The following KALRN variants were observed in gnomAD, a reference collection of about 807,000 sequenced individuals.
The protein encoded by KALRN is kalirin.
In KALRN, 70 loss-of-function variants were observed where a neutral mutation model predicts 353.7. The observed-to-expected ratio is 0.20, with a 90% CI of 0.16 to 0.24. The LOEUF (loss-of-function observed/expected upper bound fraction) is 0.24. Among genes scored for constraint, KALRN ranks in the 10% least tolerant of loss-of-function variants. The pLI, the probability that KALRN is intolerant of heterozygous loss-of-function variation, is 1.00. For missense variants in KALRN, 2,791 were observed against 3,756.7 expected (o/e 0.74, Z 6.72); for synonymous variants, 1,391 against 1,434.8 (o/e 0.97, Z 0.69).
chr3:124,214,313 G>C (rs1236048992), intron 1 of KALRN, among the ~76,000 whole-genome samples: 1 of 152,152 alleles, frequency 6.6e-6, no homozygotes, highest in Non-Finnish European at 1.5e-5. Context: ...TGAATGCATT[G>C]AGTAGATATG....
rs190131722 is a variant in KALRN, at chr3:124,187,089, T to C, written c.74-40901T>C. On this transcript the variant is annotated intron_variant, in intron 1 of 59. Coordinates refer to ENST00000682506, the MANE Select transcript of KALRN (RefSeq NM_001388419.1). ...TTGAACTATCTTTGTTTTTTATCTT[T>C]TCTTTTTTTGAGAAAGAGACTCACT... is the stretch of plus-strand genomic sequence containing the variant. Among the ~76,000 whole-genome samples the C allele has an allele frequency of 4.6e-5, 7 of 152,024 alleles. 1 individual carries two copies. Among genetic ancestry groups the C allele is most frequent in the African/African-American group, 1.7e-4 (7 of 41,296 alleles).
At chr3:124,314,207 G>A (rs2078575991) in intron 6 of KALRN, among the ~76,000 whole-genome samples, 1 of 152,026 alleles carries the variant, frequency 6.6e-6, no homozygotes. Context: ...ATAGGGACAT[G>A]GTTGAAGCTG....
chr3:124,159,003 A>G (rs2149998062), intron 1 of KALRN, among the ~76,000 whole-genome samples: 1 of 152,250 alleles, frequency 6.6e-6, no homozygotes, highest in Non-Finnish European at 1.5e-5. Context: ...TCAGGTATAC[A>G]TCTACAAACA....
chr3:124,514,506 ACTC>A (rs1251931692), intron 33 of KALRN, among the ~76,000 whole-genome samples: 1 of 152,076 alleles, frequency 6.6e-6, no homozygotes, highest in African/African-American at 2.4e-5. Context: ...TTCTTACTGA[ACTC>A]CTAATATGAG....
intron 22 of KALRN, 131 bp downstream of exon 22, chr3:124,455,490 A>C (rs4677927): frequency 1 from 864,287 of 866,424 alleles, 431,102 homozygotes; most frequent in East Asian, 1. Context: ...AGAGCGCTTG[A>C]CTTGTGTGGC....
chr3:124,224,660 C>T (rs2078285827), intron 1 of KALRN, among the ~76,000 whole-genome samples: 1 of 152,166 alleles, frequency 6.6e-6, no homozygotes, highest in Admixed American at 6.5e-5. Flanking sequence ...GTGATCTGCC[C>T]CTGAGTATCT....
At chr3:124,243,733 G>A (rs373254762) in intron 3 of KALRN, among the ~76,000 whole-genome samples, 5 of 152,082 alleles carry the variant, frequency 3.3e-5, no homozygotes, top group Non-Finnish European at 7.4e-5. Flanking sequence ...GGTGAAATGC[G>A]CATGCTTGCT....
chr3:124,499,608 G>A (rs2064283921), intron 33 of KALRN, among the ~76,000 whole-genome samples: 1 of 152,156 alleles, frequency 6.6e-6, no homozygotes, highest in African/African-American at 2.4e-5. Context: ...TAGACCTAAA[G>A]TGATGTAGCT....
chr3:124,717,713 C>A (rs2063212663), intron 59 of KALRN, among the ~76,000 whole-genome samples: 1 of 151,988 alleles, frequency 6.6e-6, no homozygotes, highest in African/African-American at 2.4e-5. Context: ...GAAGTGGCAA[C>A]CTTGCAGGGA....
intron 6 of KALRN, among the ~76,000 whole-genome samples, chr3:124,316,641 C>T (rs924659287): frequency 7.2e-5 from 11 of 152,210 alleles, no homozygotes; most frequent in East Asian, 5.8e-4. Context: ...CACCCTGCCC[C>T]GGCTTCTCTA....
At chr3:124,558,904 A>G (rs148212904) in intron 33 of KALRN, among the ~76,000 whole-genome samples, 4 of 152,386 alleles carry the variant, frequency 2.6e-5, no homozygotes, top group Non-Finnish European at 4.4e-5. Flanking sequence ...TCTGGATGCC[A>G]TTGGGAAACC....
In KALRN at chr3:124,686,798, A is replaced by ATT. The variant is rs10599336; in HGVS notation, c.7378-6973_7378-6972dup. 4.8e-3 allele frequency among the ~76,000 whole-genome samples: 339 copies of ATT among 70,736 alleles called. 5 individuals carry two copies. The highest frequency in any genetic ancestry group is 8.8e-3 in the Middle Eastern group (1 of 114). 46.4% of individuals were successfully genotyped at this position (70,736 alleles called of 152,430 possible). On this transcript the variant is annotated intron_variant, in intron 51 of 59. Transcript: ENST00000682506. ...CAGCATCTATGCAAACACTGGTGAG[A>ATT]TTTTTTTTTTTTTTTTTTTTTTTTT... is the stretch of plus-strand genomic sequence containing the variant.
At chr3:124,295,624 G>A (rs2076786745) in intron 5 of KALRN, among the ~76,000 whole-genome samples, 1 of 152,100 alleles carries the variant, frequency 6.6e-6, no homozygotes. Context: ...AACATACAGG[G>A]AAGGTCACTA....
chr3:124,413,607 T>C lies in KALRN; in HGVS notation c.2484T>C (p.Phe828=), dbSNP rs145653221. 7.4e-5 allele frequency: 120 copies of C among 1,613,954 alleles called. No homozygotes were observed. Among genetic ancestry groups the C allele is most frequent in the Non-Finnish European group, 9.3e-5 (110 of 1,179,980 alleles). The change falls in exon 14 of 60, where the codon TTT becomes TTC. Residue 828 remains phenylalanine, a synonymous_variant. Transcript: ENST00000682506. ...ERKLAMNNMT[F]EVIQQGQDLH... is the part of the protein sequence containing the mutation. ...AGCTAGCCATGAACAACATGACCTT[T>C]GAGGTTATCCAGCAGGGACAGGATC... is the stretch of plus-strand genomic sequence containing the variant.
At chr3:124,673,387 A>AAAAC (rs5852425) in intron 48 of KALRN, among the ~76,000 whole-genome samples, 86,063 of 141,198 alleles carry the variant, frequency 0.61, 27,864 homozygotes, top group African/African-American at 0.78. Flanking sequence ...CCGTGTCTCA[A>AAAAC]AAACAAACAA....
intron 7 of KALRN, among the ~76,000 whole-genome samples, chr3:124,329,480 G>A (rs1471355464): frequency 6.6e-6 from 1 of 152,152 alleles, no homozygotes; most frequent in Non-Finnish European, 1.5e-5. Flanking sequence ...ATTACACACA[G>A]CCCCTCACGT....
intron 13 of KALRN, among the ~76,000 whole-genome samples, chr3:124,401,683 G>A (rs1056764074): frequency 1.3e-5 from 2 of 152,072 alleles, no homozygotes; most frequent in South Asian, 2.1e-4. Context: ...GCATCCTCTG[G>A]TGTAGGCTAT....
chr3:124,643,476 A>G (rs670994), intron 37 of KALRN, among the ~76,000 whole-genome samples: 35,703 of 151,966 alleles, frequency 0.23, 4,500 homozygotes, highest in East Asian at 0.47. Flanking sequence ...TTACTTAAGG[A>G]TTTTGTTGTT....
At chr3:124,166,762 G>A (rs769905943) in intron 1 of KALRN, among the ~76,000 whole-genome samples, 5 of 152,110 alleles carry the variant, frequency 3.3e-5, no homozygotes, top group East Asian at 1.9e-4. Context: ...TGGAGGGCCC[G>A]GCGTGGTGGC....
Sources: gnomAD v4.1 joint callset for allele counts (sites outside exome capture counted in the v4.1 genomes callset) on GRCh38, gnomAD v4.1.1 for gene constraint, MANE v1.5 for transcripts, NCBI Gene and HGNC (gene_info 2026-07-23, HGNC 2026-07-21) for gene names.